The following QTMAN variants were observed in gnomAD, a reference collection of about 807,000 sequenced individuals.
The protein encoded by QTMAN is tRNA-queuosine alpha-mannosyltransferase.
the QTMAN span, chr2:144,007,243 C>T: frequency 6.2e-7 from 1 of 1,612,378 alleles, no homozygotes; most frequent in South Asian, 1.1e-5. Flanking sequence ...CCCAAAATGT[C>T]ACAGGGATCA....
chr2:144,272,407 T>C, the QTMAN span, among the ~76,000 whole-genome samples: 1 of 152,240 alleles, frequency 6.6e-6, no homozygotes, highest in Non-Finnish European at 1.5e-5. Flanking sequence ...TAATTTATTC[T>C]GATTTTTGTT....
the QTMAN span, chr2:144,179,008 TC>T: frequency 2.2e-6 from 1 of 461,324 alleles, no homozygotes; most frequent in Non-Finnish European, 4.5e-6. Context: ...CCATAAAACT[TC>T]TTTGATTATT....
At chr2:143,974,255 G>GAAACA in the QTMAN span, among the ~76,000 whole-genome samples, 1 of 152,024 alleles carries the variant, frequency 6.6e-6, no homozygotes, top group Non-Finnish European at 1.5e-5. Context: ...AATATAAATT[G>GAAACA]AAACAATCTT....
the QTMAN span, among the ~76,000 whole-genome samples, chr2:144,032,077 C>T: frequency 6.6e-6 from 1 of 152,112 alleles, no homozygotes. Flanking sequence ...GCCACCGCTC[C>T]GGGCCTGGGG....
At chr2:143,962,188 C>T in the QTMAN span, among the ~76,000 whole-genome samples, 1 of 152,046 alleles carries the variant, frequency 6.6e-6, no homozygotes, top group East Asian at 1.9e-4. Flanking sequence ...CAGTGTGATA[C>T]ATGCTTTGCA....
chr2:144,258,580 G>A, the QTMAN span, among the ~76,000 whole-genome samples: 1 of 152,124 alleles, frequency 6.6e-6, no homozygotes, highest in Non-Finnish European at 1.5e-5. Context: ...CAGCCAAATT[G>A]ACCATAAAGC....
the QTMAN span, among the ~76,000 whole-genome samples, chr2:143,998,787 T>C: frequency 1.3e-5 from 2 of 152,100 alleles, no homozygotes; most frequent in Non-Finnish European, 2.9e-5. Context: ...TTAAAATGCA[T>C]TATTCTATTT....
At chr2:144,224,390 C>G in the QTMAN span, among the ~76,000 whole-genome samples, 3 of 152,160 alleles carry the variant, frequency 2.0e-5, no homozygotes, top group Non-Finnish European at 4.4e-5. Flanking sequence ...AGTGTCTGCT[C>G]ATCATTGTTC....
At chr2:144,167,901 A>G in the QTMAN span, among the ~76,000 whole-genome samples, 4 of 152,186 alleles carry the variant, frequency 2.6e-5, no homozygotes, top group East Asian at 1.9e-4. Context: ...CAAAAATGCT[A>G]AAGTTTGTCT....
chr2:144,203,542 G>A, the QTMAN span, among the ~76,000 whole-genome samples: 7 of 152,092 alleles, frequency 4.6e-5, no homozygotes, highest in African/African-American at 1.4e-4. Context: ...ACAGGATGGC[G>A]AAGCTAGTAG....
the QTMAN span, among the ~76,000 whole-genome samples, chr2:144,107,044 T>C: frequency 2.6e-5 from 4 of 152,210 alleles, no homozygotes; most frequent in Non-Finnish European, 5.9e-5. Flanking sequence ...AATAAAGATG[T>C]TCTTTGAAAC....
chr2:144,112,591 C>G, the QTMAN span, among the ~76,000 whole-genome samples: 6 of 152,220 alleles, frequency 3.9e-5, no homozygotes, highest in Non-Finnish European at 1.5e-5. Flanking sequence ...CTAAACACTT[C>G]TACTCTGCCC....
At chr2:143,991,709 C>A in the QTMAN span, among the ~76,000 whole-genome samples, 2 of 143,062 alleles carry the variant, frequency 1.4e-5, no homozygotes, top group Non-Finnish European at 1.5e-5. Context: ...CGCCGCCCGG[C>A]CAGTCGCCCC....
the QTMAN span, among the ~76,000 whole-genome samples, chr2:144,222,785 G>A: frequency 9.2e-5 from 14 of 152,218 alleles, no homozygotes; most frequent in Middle Eastern, 3.4e-3. Context: ...TCCAGCCTAG[G>A]CGACAGAGCG....
At chr2:144,292,134 C>T in the QTMAN span, among the ~76,000 whole-genome samples, 1 of 152,168 alleles carries the variant, frequency 6.6e-6, no homozygotes, top group Non-Finnish European at 1.5e-5. Flanking sequence ...TCAGAGGACA[C>T]ATTAAAGATG....
At chr2:144,042,763 C>CA in the QTMAN span, among the ~76,000 whole-genome samples, 1,194 of 63,996 alleles carry the variant, frequency 0.019, 8 homozygotes, top group Middle Eastern at 0.078. Context: ...GACTCTGTCT[C>CA]AAAAAAAAAA....
the QTMAN span, among the ~76,000 whole-genome samples, chr2:143,977,898 GCTTTTT>G: frequency 2.6e-5 from 4 of 152,220 alleles, no homozygotes; most frequent in South Asian, 6.2e-4. Context: ...CTTCCATTTT[GCTTTTT>G]TCTCATATTC....
chr2:144,283,237 T>A, the QTMAN span, among the ~76,000 whole-genome samples: 1 of 152,166 alleles, frequency 6.6e-6, no homozygotes, highest in Non-Finnish European at 1.5e-5. Flanking sequence ...TGGGGGACAA[T>A]CTTGTGGGAT....
the QTMAN span, among the ~76,000 whole-genome samples, chr2:144,217,577 A>G: frequency 6.6e-6 from 1 of 152,168 alleles, no homozygotes. Flanking sequence ...AAGTAACTGA[A>G]TATCATATAG....
Sources: gnomAD v4.1 joint callset for allele counts (sites outside exome capture counted in the v4.1 genomes callset) on GRCh38, gnomAD v4.1.1 for gene constraint, MANE v1.5 for transcripts, NCBI Gene and HGNC (gene_info 2026-07-23, HGNC 2026-07-21) for gene names.